SOS1: variants seen among roughly 807,000 people sequenced by gnomAD.
SOS1 encodes son of sevenless homolog 1.
In SOS1, 25 loss-of-function variants were observed where a neutral mutation model predicts 157.6. The ratio of observed to expected loss-of-function variants is 0.16; its 90% CI spans 0.12 to 0.22. The LOEUF (loss-of-function observed/expected upper bound fraction) is 0.22. Ranked by LOEUF, SOS1 falls within the 10% of genes least tolerant of loss-of-function variation. The pLI, the probability that SOS1 is intolerant of heterozygous loss-of-function variation, is 1.00. For synonymous variants in SOS1, 528 were observed against 534.0 expected, an observed-to-expected ratio of 0.99 and a Z score of 0.16; for missense variants, 1,237 against 1,599.1, an observed-to-expected ratio of 0.77 and a Z score of 3.86.
At chr2:39,103,437 C>T (rs368788923) in intron 1 of SOS1, among the ~76,000 whole-genome samples, 118 of 152,190 alleles carry the variant, frequency 7.8e-4, no homozygotes, top group African/African-American at 2.8e-3. Flanking sequence ...TAATATGGTA[C>T]TGAAAAAGCA....
chr2:39,013,576 C>T lies in SOS1; in HGVS notation c.2064-13G>A. 7 of 1,483,722 alleles carry T rather than the reference C, an allele frequency of 4.7e-6. No homozygotes were observed. Among genetic ancestry groups the T allele is most frequent in the African/African-American group, 1.4e-5 (1 of 72,486 alleles). 91.9% of individuals were successfully genotyped at this position (1,483,722 alleles called of 1,614,324 possible). ...TACATTTAATACTCTATGGCATTAACACAGAATTGAATTACATGGGAATCA... is the reference window on the plus strand; with the variant it reads ...TACATTTAATACTCTATGGCATTAATACAGAATTGAATTACATGGGAATCA... On this transcript the variant is annotated splice_polypyrimidine_tract_variant and intron_variant, in intron 12 of 22. Transcript: ENST00000402219.
chr2:39,031,895 ATTAACT>A (rs969912173), intron 8 of SOS1, among the ~76,000 whole-genome samples: 5 of 152,218 alleles, frequency 3.3e-5, no homozygotes, highest in Admixed American at 6.5e-5. Context: ...TCATAAAAAA[ATTAACT>A]TTAACTTTTC....
At chr2:39,083,814 T>C (rs1002282812) in intron 1 of SOS1, among the ~76,000 whole-genome samples, 1 of 152,184 alleles carries the variant, frequency 6.6e-6, no homozygotes, top group South Asian at 2.1e-4. Flanking sequence ...TGACCACCAG[T>C]AAGGGAATGG....
intron 1 of SOS1, among the ~76,000 whole-genome samples, chr2:39,101,650 TA>T (rs140671228): frequency 1.5e-4 from 22 of 151,062 alleles, no homozygotes; most frequent in Admixed American, 9.9e-4. Context: ...AAAATATACT[TA>T]AAAAAAAACA....
chr2:38,996,290 A>G (rs1312527662), intron 19 of SOS1, among the ~76,000 whole-genome samples: 2 of 152,136 alleles, frequency 1.3e-5, no homozygotes, highest in Non-Finnish European at 2.9e-5. Context: ...GGTTTTCACC[A>G]TGTTGGCCAG....
At chr2:39,047,559 T>C (rs1670835080) in intron 6 of SOS1, among the ~76,000 whole-genome samples, 1 of 152,208 alleles carries the variant, frequency 6.6e-6, no homozygotes, top group Non-Finnish European at 1.5e-5. Flanking sequence ...GCATCTTTTT[T>C]GTGTGTGAAG....
At chr2:39,106,816 C>A (rs965398629) in intron 1 of SOS1, among the ~76,000 whole-genome samples, 3 of 152,162 alleles carry the variant, frequency 2.0e-5, no homozygotes, top group African/African-American at 7.2e-5. Flanking sequence ...TTCGTGGCCA[C>A]ATGGTTGGAC....
At chr2:39,091,094 C>G (rs1406989924) in intron 1 of SOS1, among the ~76,000 whole-genome samples, 1 of 152,136 alleles carries the variant, frequency 6.6e-6, no homozygotes, top group Non-Finnish European at 1.5e-5. Flanking sequence ...GTCTCAAACC[C>G]CTGACTTCAG....
chr2:39,101,682 T>A (rs1356683879), intron 1 of SOS1, among the ~76,000 whole-genome samples: 4 of 148,182 alleles, frequency 2.7e-5, no homozygotes, highest in Non-Finnish European at 5.9e-5. Context: ...TAGCAATGTC[T>A]CCTCCATAAA....
chr2:39,052,553 T>G (rs2124599428), intron 5 of SOS1, among the ~76,000 whole-genome samples: 1 of 152,316 alleles, frequency 6.6e-6, no homozygotes, highest in Non-Finnish European at 1.5e-5. Context: ...ATAAATGGAA[T>G]CATATATTGT....
At chr2:39,005,895 G>A (rs573053842) in intron 17 of SOS1, among the ~76,000 whole-genome samples, 15 of 152,128 alleles carry the variant, frequency 9.9e-5, no homozygotes, top group South Asian at 2.1e-4. Context: ...AAAGATAGAG[G>A]AACCTACAGA....
At chr2:39,030,496 T>A (rs1173616692) in intron 8 of SOS1, among the ~76,000 whole-genome samples, 1 of 151,300 alleles carries the variant, frequency 6.6e-6, no homozygotes, top group Non-Finnish European at 1.5e-5. Flanking sequence ...TTTGAGCCCA[T>A]GAGTTCCAGA....
chr2:39,104,427 A>T (rs182691336), intron 1 of SOS1, among the ~76,000 whole-genome samples: 1 of 152,278 alleles, frequency 6.6e-6, no homozygotes, highest in African/African-American at 2.4e-5. Context: ...AAGGACACCA[A>T]CTAAGATGGG....
chr2:39,081,690 C>T (rs912467257), intron 1 of SOS1, among the ~76,000 whole-genome samples: 5 of 151,474 alleles, frequency 3.3e-5, no homozygotes, highest in Non-Finnish European at 5.9e-5. Flanking sequence ...CCAGGCTTGG[C>T]GGCGGGCGCC....
Position 39,012,138 on chromosome 2 carries a change from G to T in SOS1, c.2378C>A (p.Ser793Ter). The T allele has an allele frequency of 6.2e-7, 1 of 1,608,358 alleles. No individual in the cohort carries two copies. Among genetic ancestry groups the T allele is most frequent in the Non-Finnish European group, 8.5e-7 (1 of 1,174,816 alleles). ...TTAAATTACATACCGGTATAGATCT[G>T]ATTCAAGTAAAGTGAGTTGTCGAGC... ...EIARQLTLLE[S>*]DLYRAVQPSE... Residue 793 changes from serine to a stop codon, truncating the protein, a stop_gained, in exon 14 of 23, where the codon TCA becomes TAA. Transcript: ENST00000402219. LOFTEE classifies it high-confidence loss of function.
chr2:39,022,395 G>A, intron 10 of SOS1, 175 bp downstream of exon 10: 1 of 622,444 alleles, frequency 1.6e-6, no homozygotes, highest in Non-Finnish European at 2.9e-6. Flanking sequence ...GTATTTAAGT[G>A]TAGTAGAAAA....
chr2:39,004,350 G>A (rs1256650438), intron 17 of SOS1, among the ~76,000 whole-genome samples: 2 of 140,788 alleles, frequency 1.4e-5, no homozygotes, highest in African/African-American at 5.3e-5. Flanking sequence ...ACCTTGCAGT[G>A]AGCCGAGATG....
At chr2:39,004,188 G>A (rs910891591) in intron 17 of SOS1, among the ~76,000 whole-genome samples, 1 of 152,170 alleles carries the variant, frequency 6.6e-6, no homozygotes, top group East Asian at 1.9e-4. Context: ...GGCCAAGGTG[G>A]GCGGATCATG....
intron 19 of SOS1, among the ~76,000 whole-genome samples, chr2:38,996,599 A>G (rs1212651271): frequency 1.3e-5 from 2 of 152,188 alleles, no homozygotes; most frequent in Non-Finnish European, 2.9e-5. Flanking sequence ...AAATGTCATA[A>G]GTAGATATTT....
Sources: gnomAD v4.1 joint callset for allele counts (sites outside exome capture counted in the v4.1 genomes callset) on GRCh38, gnomAD v4.1.1 for gene constraint, MANE v1.5 for transcripts, NCBI Gene and HGNC (gene_info 2026-07-23, HGNC 2026-07-21) for gene names.